Variants in LYZL4 observed in about 807,000 individuals in gnomAD.
The protein encoded by LYZL4 is lysozyme-like protein 4.
LYZL4 carries 13 observed loss-of-function variants against 17.6 expected under a neutral mutation model. The ratio of observed to expected loss-of-function variants is 0.74; its 90% CI spans 0.48 to 1.18. The LOEUF (loss-of-function observed/expected upper bound fraction) is 1.18. Among genes scored for constraint, LYZL4 ranks in the 50% most tolerant of loss-of-function variants. The probability of loss-of-function intolerance (pLI) is 0.00; values close to 1 mark genes in which losing one functional copy is unlikely to be tolerated. For missense variants in LYZL4, 174 were observed against 188.2 expected, an observed-to-expected ratio of 0.92 and a Z score of 0.44; for synonymous variants, 64 against 67.7, an observed-to-expected ratio of 0.95 and a Z score of 0.27.
the LYZL4 span, among the ~76,000 whole-genome samples, chr3:42,391,862 T>C: frequency 6.6e-6 from 1 of 151,758 alleles, no homozygotes; most frequent in South Asian, 2.1e-4. Context: ...GATAGTATAT[T>C]ATCACTTCTC....
the LYZL4 span, among the ~76,000 whole-genome samples, chr3:42,363,436 T>C: frequency 0.61 from 92,283 of 152,016 alleles, 29,722 homozygotes; most frequent in Non-Finnish European, 0.72. Context: ...TGCAATCTAT[T>C]TTCAGCAAAA....
chr3:42,399,975 C>T (rs1025767544), intron 4 of LYZL4, among the ~76,000 whole-genome samples: 5 of 151,388 alleles, frequency 3.3e-5, no homozygotes, highest in Non-Finnish European at 4.4e-5. Flanking sequence ...GCAAAAACCA[C>T]GATGACTTTT....
At chr3:42,386,573 T>C in the LYZL4 span, among the ~76,000 whole-genome samples, 1 of 152,186 alleles carries the variant, frequency 6.6e-6, no homozygotes, top group Non-Finnish European at 1.5e-5. Context: ...AGGACATGTA[T>C]ATCTTTGCAG....
chr3:42,387,237 A>G, the LYZL4 span, among the ~76,000 whole-genome samples: 1 of 152,194 alleles, frequency 6.6e-6, no homozygotes, highest in Non-Finnish European at 1.5e-5. Flanking sequence ...GAGACTTAAC[A>G]AGATTAAGTA....
chr3:42,406,555 C>T (rs1698757282), intron 3 of LYZL4, among the ~76,000 whole-genome samples: 1 of 151,914 alleles, frequency 6.6e-6, no homozygotes, highest in Admixed American at 6.6e-5. Context: ...TCCCGCCCTT[C>T]AGGCTCTGAT....
the LYZL4 span, among the ~76,000 whole-genome samples, chr3:42,374,367 A>G: frequency 5.3e-5 from 8 of 152,248 alleles, no homozygotes; most frequent in East Asian, 1.5e-3. Context: ...GTTGAAATGG[A>G]TTTCTTTTTA....
intron 4 of LYZL4, among the ~76,000 whole-genome samples, chr3:42,403,265 C>CA (rs1553628459): frequency 4.8e-5 from 7 of 144,402 alleles, no homozygotes; most frequent in Non-Finnish European, 1.1e-4. Context: ...TATTATCCAC[C>CA]TTTTTTTTTT....
the LYZL4 span, among the ~76,000 whole-genome samples, chr3:42,383,738 C>A: frequency 6.6e-6 from 1 of 151,560 alleles, no homozygotes. Flanking sequence ...GCAAAGAAAG[C>A]CCTTAGACAT....
intron 4 of LYZL4, among the ~76,000 whole-genome samples, chr3:42,398,549 G>A (rs542010664): frequency 9.2e-5 from 14 of 152,082 alleles, no homozygotes; most frequent in Admixed American, 2.0e-4. Context: ...ATGAAAATGG[G>A]TTACTGAATA....
At chr3:42,380,946 G>T in the LYZL4 span, among the ~76,000 whole-genome samples, 1 of 152,204 alleles carries the variant, frequency 6.6e-6, no homozygotes, top group Non-Finnish European at 1.5e-5. Flanking sequence ...AGCCGCTGTG[G>T]CATAAAATAT....
chr3:42,375,830 G>A, the LYZL4 span, among the ~76,000 whole-genome samples: 24 of 152,284 alleles, frequency 1.6e-4, no homozygotes, highest in South Asian at 6.2e-4. Context: ...AAGCAGGAGC[G>A]GGGACATTGG....
chr3:42,369,304 T>C, the LYZL4 span, among the ~76,000 whole-genome samples: 212 of 152,374 alleles, frequency 1.4e-3, no homozygotes, highest in Non-Finnish European at 2.6e-3. Context: ...ATCAGAACAA[T>C]GTCTGGTTGT....
chr3:42,390,297 C>T, the LYZL4 span, among the ~76,000 whole-genome samples: 1 of 152,160 alleles, frequency 6.6e-6, no homozygotes. Context: ...ATCTGATGGA[C>T]AAGATGAGCT....
At chr3:42,392,248 A>G (rs1243127774), downstream of LYZL4, among the ~76,000 whole-genome samples, 1 of 152,144 alleles carries the variant, frequency 6.6e-6, no homozygotes, top group Non-Finnish European at 1.5e-5. Context: ...GAGCACCCGC[A>G]GTTCATAACC....
chr3:42,384,708 G>A, the LYZL4 span, among the ~76,000 whole-genome samples: 1 of 152,200 alleles, frequency 6.6e-6, no homozygotes, highest in African/African-American at 2.4e-5. Flanking sequence ...GCTGTGAAGA[G>A]CATTTTCACA....
the LYZL4 span, among the ~76,000 whole-genome samples, chr3:42,386,395 G>GCCC: frequency 1.9e-5 from 2 of 107,462 alleles, no homozygotes; most frequent in African/African-American, 3.7e-5. Context: ...GAGCCACCAC[G>GCCC]CCCCCCCCCC....
chr3:42,398,085 C>A (rs972490513), intron 4 of LYZL4, among the ~76,000 whole-genome samples: 1 of 152,206 alleles, frequency 6.6e-6, no homozygotes, highest in African/African-American at 2.4e-5. Flanking sequence ...GGCTGTGGAC[C>A]TCTGGCCCCT....
the LYZL4 span, among the ~76,000 whole-genome samples, chr3:42,383,105 A>G: frequency 1.6e-4 from 25 of 152,274 alleles, no homozygotes; most frequent in African/African-American, 5.5e-4. Context: ...GAAGAGGTCA[A>G]TGCTGGGGGT....
intron 1 of LYZL4, among the ~76,000 whole-genome samples, chr3:42,408,477 G>C (rs1698804232): frequency 6.6e-6 from 1 of 152,092 alleles, no homozygotes; most frequent in Admixed American, 6.6e-5. Context: ...CTCACCCCGG[G>C]TGCCAACTTC....
Sources: gnomAD v4.1 joint callset for allele counts (sites outside exome capture counted in the v4.1 genomes callset) on GRCh38, gnomAD v4.1.1 for gene constraint, MANE v1.5 for transcripts, NCBI Gene and HGNC (gene_info 2026-07-23, HGNC 2026-07-21) for gene names.